Variants in FGD4 observed in about 807,000 individuals in gnomAD.
FGD4 encodes the protein FYVE, RhoGEF and PH domain-containing protein 4.
In FGD4, 42 loss-of-function variants were observed where a neutral mutation model predicts 102.0. The observed-to-expected ratio is 0.41, with a 90% CI of 0.32 to 0.53. The LOEUF (loss-of-function observed/expected upper bound fraction) is 0.53. Ranked by LOEUF, FGD4 falls within the 20% of genes least tolerant of loss-of-function variation. The pLI is 0.21. For synonymous variants in FGD4, 380 were observed against 375.7 expected (o/e 1.01, Z -0.13); for missense variants, 902 against 1,078.2 (o/e 0.84, Z 2.29).
At chr12:32,462,710 G>A (rs1317506689) in intron 1 of FGD4, among the ~76,000 whole-genome samples, 3 of 152,100 alleles carry the variant, frequency 2.0e-5, no homozygotes, top group Non-Finnish European at 4.4e-5. Flanking sequence ...CAATATCCAA[G>A]GGCCAGATTC....
intron 1 of FGD4, among the ~76,000 whole-genome samples, chr12:32,532,832 C>T (rs1941926812): frequency 6.6e-6 from 1 of 152,110 alleles, no homozygotes; most frequent in African/African-American, 2.4e-5. Flanking sequence ...TTCTCTTTGA[C>T]TTTTTTCTCC....
Position 32,564,340 on chromosome 12 carries a change from A to T in FGD4, c.319+51A>T, listed in dbSNP as rs573676692. On this transcript the variant is annotated intron_variant, in intron 2 of 16. Transcript: ENST00000534526. Reference sequence around the variant, plus strand: ...GGGGTGGGTACGTTGTTGATCAATGAAGGCTAACCAGAAAAATGATGGCCA... The same window carrying T: ...GGGGTGGGTACGTTGTTGATCAATGTAGGCTAACCAGAAAAATGATGGCCA... 6 of 1,509,238 alleles carry T rather than the reference A, an allele frequency of 4.0e-6. No individual in the cohort carries two copies. In the South Asian group the frequency reaches 7.5e-5, roughly 19 times the overall value. The allele number at this position is 1,509,238 out of a possible 1,614,324, so 93.5% of individuals were successfully genotyped here.
chr12:32,409,271 C>G (rs890601928), intron 1 of FGD4, among the ~76,000 whole-genome samples: 1 of 149,046 alleles, frequency 6.7e-6, no homozygotes, highest in African/African-American at 2.5e-5. Flanking sequence ...TTCCTCCCCC[C>G]AGTAATTTTT....
Position 32,582,107 on chromosome 12 carries a change from T to G in FGD4, c.651T>G (p.Asp217Glu). The G allele has an allele frequency of 6.2e-7, 1 of 1,614,104 alleles. No individual in the cohort carries two copies. The highest frequency in any genetic ancestry group is 8.5e-7 in the Non-Finnish European group (1 of 1,180,000). The change falls in exon 4 of 17, where the codon GAT becomes GAG. Residue 217 changes from aspartate to glutamate, a missense_variant. This residue lies in a region of FGD4 where 443 missense variants were observed against 459.2 expected (regional missense o/e 0.96). Coordinates refer to ENST00000534526, the MANE Select transcript of FGD4 (RefSeq NM_001370298.3). ...HLPQRQGNDT[D>E]KTQGAQTCVA... Reference sequence around the variant, plus strand: ...CACAGAGGCAGGGAAATGATACAGATAAGACTCAGGGTGCACAGACTTGTG... The same window carrying G: ...CACAGAGGCAGGGAAATGATACAGAGAAGACTCAGGGTGCACAGACTTGTG...
chr12:32,593,137 G>A (rs749996980), intron 4 of FGD4, among the ~76,000 whole-genome samples: 8 of 152,154 alleles, frequency 5.3e-5, no homozygotes, highest in Non-Finnish European at 1.0e-4. Context: ...TTGTTTTGTT[G>A]TATGTGTGCT....
intron 3 of FGD4, among the ~76,000 whole-genome samples, chr12:32,579,319 C>G (rs554995126): frequency 6.6e-6 from 1 of 152,220 alleles, no homozygotes; most frequent in Admixed American, 6.5e-5. Context: ...GCTGGGATTA[C>G]CGGCGTGAGC....
chr12:32,576,155 C>A, intron 2 of FGD4, 111 bp from the exon 3 acceptor site: 2 of 1,105,302 alleles, frequency 1.8e-6, no homozygotes, highest in Non-Finnish European at 2.6e-6. Flanking sequence ...ACACCTGCCC[C>A]CTTTACAATA....
chr12:32,631,005 A>G (rs1249414918), intron 14 of FGD4, among the ~76,000 whole-genome samples: 3 of 152,078 alleles, frequency 2.0e-5, no homozygotes, highest in East Asian at 1.9e-4. Flanking sequence ...AAAAAAAATT[A>G]TATAAACTTC....
chr12:32,543,242 G>C (rs1241878018), intron 1 of FGD4, among the ~76,000 whole-genome samples: 1 of 152,190 alleles, frequency 6.6e-6, no homozygotes, highest in Non-Finnish European at 1.5e-5. Context: ...TACATAAGGT[G>C]AGGTCCAGAA....
chr12:32,640,142 C>T lies in FGD4; in HGVS notation c.2455-134C>T, dbSNP rs1385404986. 3.0e-6 allele frequency: 4 copies of T among 1,345,212 alleles called. No individual in the cohort carries two copies. In the African/African-American group the frequency reaches 5.7e-5, roughly 19 times the overall value. 83.3% of individuals were successfully genotyped at this position (1,345,212 alleles called of 1,614,324 possible). Reference sequence around the variant, plus strand: ...CTCTGTACTAAGCAATGGGATTGCCCTCTGTGCCCATGGAGAACTCACCGT... The same window carrying T: ...CTCTGTACTAAGCAATGGGATTGCCTTCTGTGCCCATGGAGAACTCACCGT... On this transcript the variant is annotated intron_variant, in intron 16 of 16. Transcript: ENST00000534526.
At chr12:32,630,812 C>CAAA (rs530800673) in intron 14 of FGD4, among the ~76,000 whole-genome samples, 2,475 of 125,440 alleles carry the variant, frequency 0.02, 38 homozygotes, top group Non-Finnish European at 0.023. Flanking sequence ...GAGACTATGT[C>CAAA]AAAAAAAAAA....
rs78537006 is a variant in FGD4, at chr12:32,497,981, T to C, written c.167-66156T>C. On this transcript the variant is annotated intron_variant, in intron 1 of 16. Coordinates refer to ENST00000534526, the MANE Select transcript of FGD4 (RefSeq NM_001370298.3). ...CATAATTTTAGAGCTGAAGAGACCT[T>C]TGGAGATGCTCTAAGCCAGCATCCT... 4.8e-3 allele frequency among the ~76,000 whole-genome samples: 733 copies of C among 152,308 alleles called. 5 individuals carry two copies. Among genetic ancestry groups the C allele is most frequent in the African/African-American group, 0.016 (672 of 41,564 alleles).
At chr12:32,638,603 CTCTA>C in intron 15 of FGD4, 48 bp from the exon 16 acceptor site, 2 of 1,605,654 alleles carry the variant, frequency 1.2e-6, no homozygotes, top group South Asian at 1.1e-5. Context: ...GTGAATATTT[CTCTA>C]TCTGATTTGT....
At chr12:32,626,943 G>T (rs1950211140) in intron 14 of FGD4, among the ~76,000 whole-genome samples, 1 of 152,058 alleles carries the variant, frequency 6.6e-6, no homozygotes, top group Non-Finnish European at 1.5e-5. Flanking sequence ...CGCCTCCCGG[G>T]TTCAAGCGAT....
At chr12:32,561,215 T>C (rs1224846360) in intron 1 of FGD4, among the ~76,000 whole-genome samples, 1 of 151,022 alleles carries the variant, frequency 6.6e-6, no homozygotes. Context: ...CCCTCCTGAG[T>C]AGCTAGGATT....
intron 1 of FGD4, among the ~76,000 whole-genome samples, chr12:32,491,106 T>C (rs1003818894): frequency 7.7e-6 from 1 of 130,146 alleles, no homozygotes; most frequent in Non-Finnish European, 1.6e-5. Flanking sequence ...TGAAGAGTAA[T>C]GGATGTTGGA....
chr12:32,447,806 C>T (rs768163225), intron 1 of FGD4, among the ~76,000 whole-genome samples: 3 of 152,200 alleles, frequency 2.0e-5, no homozygotes, highest in Admixed American at 6.5e-5. Context: ...TTCAGTACAC[C>T]GTGTCTGATT....
At chr12:32,465,680 A>T (rs1943233902) in intron 1 of FGD4, among the ~76,000 whole-genome samples, 1 of 152,104 alleles carries the variant, frequency 6.6e-6, no homozygotes, top group South Asian at 2.1e-4. Context: ...AAAAAAAAAA[A>T]TCAAAGAAAG....
intron 10 of FGD4, among the ~76,000 whole-genome samples, chr12:32,612,137 C>A (rs1343497030): frequency 1.3e-5 from 2 of 152,212 alleles, no homozygotes; most frequent in South Asian, 2.1e-4. Context: ...CAAGGGGTTG[C>A]TGAGGGTGGC....
Sources: gnomAD v4.1 joint callset for allele counts (sites outside exome capture counted in the v4.1 genomes callset) on GRCh38, gnomAD v4.1.1 for gene constraint, gnomAD v4.1.1 regional missense constraint, MANE v1.5 for transcripts, NCBI Gene and HGNC (gene_info 2026-07-23, HGNC 2026-07-21) for gene names.